The following ATG16L2 variants were observed in gnomAD, a reference collection of about 807,000 sequenced individuals.
The protein encoded by ATG16L2 is protein Atg16l2.
A neutral mutation model predicts 84.7 loss-of-function variants in ATG16L2; 77 were observed. The ratio of observed to expected loss-of-function variants is 0.91; its 90% CI spans 0.76 to 1.10. The LOEUF is 1.10. Ranked by LOEUF, ATG16L2 falls within the 50% of genes least tolerant of loss-of-function variation. ATG16L2 has a pLI of 0.00. For missense variants in ATG16L2, 782 were observed against 817.6 expected, an observed-to-expected ratio of 0.96 and a Z score of 0.53; for synonymous variants, 361 against 342.8, an observed-to-expected ratio of 1.05 and a Z score of -0.59.
intron 1 of ATG16L2, chr11:72,816,028 G>A (rs1165276016): frequency 6.6e-6 from 1 of 152,358 alleles, no homozygotes; most frequent in Non-Finnish European, 1.5e-5. Context: ...GCCCAGGCTG[G>A]AGTGCAGTGG....
intron 3 of ATG16L2, among the ~76,000 whole-genome samples, chr11:72,819,182 C>T (rs1470643615): frequency 2.6e-5 from 4 of 152,158 alleles, no homozygotes; most frequent in South Asian, 2.1e-4. Flanking sequence ...GCCCCCCAGT[C>T]GTTCTCACAC....
In ATG16L2 at chr11:72,825,386, C is replaced by G; in HGVS notation, c.1081C>G (p.His361Asp). Residue 361 changes from histidine to aspartate, a missense_variant, in exon 10 of 18, where the codon CAC becomes GAC. By Grantham distance (81) the His-to-Asp change is moderately conservative. Transcript: ENST00000321297. ...CACTGGAGGGGCTGACCGCCTGATCCACCTCTGGAATGTTGTGGGAAGTAA... is the reference window on the plus strand; with the variant it reads ...CACTGGAGGGGCTGACCGCCTGATCGACCTCTGGAATGTTGTGGGAAGTAA... ...LATGGADRLI[H>D]LWNVVGSRLE... The G allele has an allele frequency of 1.1e-5, 18 of 1,612,718 alleles. No individual in the cohort carries two copies. The highest frequency in any genetic ancestry group is 1.5e-5 in the Non-Finnish European group (18 of 1,179,976).
intron 3 of ATG16L2, chr11:72,820,230 C>CA (rs1337709040): frequency 2.6e-5 from 4 of 152,234 alleles, no homozygotes; most frequent in African/African-American, 9.6e-5. Context: ...ATAGTACCCA[C>CA]AACCAGGAAA....
At chr11:72,843,163 C>G in exon 6 of ATG16L2, 1 of 1,613,970 alleles carries the variant, frequency 6.2e-7, no homozygotes, top group Non-Finnish European at 8.5e-7. Context: ...CTGGCATCTC[C>G]GTTGAGGCTG....
chr11:72,822,795 G>T lies in ATG16L2; in HGVS notation c.711-53G>T. The T allele has an allele frequency of 7.3e-7, 1 of 1,361,738 alleles. No homozygotes were observed. Among genetic ancestry groups the T allele is most frequent in the South Asian group, 1.3e-5 (1 of 77,372 alleles). 84.4% of individuals were successfully genotyped at this position (1,361,738 alleles called of 1,614,324 possible). On this transcript the variant is annotated intron_variant, in intron 6 of 17. Coordinates refer to ENST00000321297, the MANE Select transcript of ATG16L2 (RefSeq NM_033388.2). This position sits in a 1 kb window ranked among gnomAD's most constrained non-coding sequence, Gnocchi z 4.2. Reference sequence around the variant, plus strand: ...CTTCAGCGTATCCTGTGCTGGGGTCGGGAGGGGCTGGCTTGGTCCCTTGGC... The same window carrying T: ...CTTCAGCGTATCCTGTGCTGGGGTCTGGAGGGGCTGGCTTGGTCCCTTGGC...
chr11:72,823,811 G>A, intron 7 of ATG16L2: 1 of 623,450 alleles, frequency 1.6e-6, no homozygotes. Context: ...GGTACTAGTA[G>A]GGTAAGGCAG....
intron 2 of ATG16L2, among the ~76,000 whole-genome samples, chr11:72,817,418 A>T (rs1376013316): frequency 6.6e-6 from 1 of 152,084 alleles, no homozygotes; most frequent in African/African-American, 2.4e-5. Flanking sequence ...ACGGGGTTTC[A>T]CCATGTTGGC....
intron 9 of ATG16L2, 71 bp from the exon 10 acceptor site, chr11:72,825,231 A>G (rs568895426): frequency 4.3e-4 from 515 of 1,202,202 alleles, no homozygotes; most frequent in Non-Finnish European, 6.0e-4. Flanking sequence ...GGCACCGGTA[A>G]GAGGGCCCGT....
At chr11:72,842,891 G>A in exon 6 of ATG16L2, 2 of 1,461,346 alleles carry the variant, frequency 1.4e-6, no homozygotes, top group Non-Finnish European at 1.9e-6. Context: ...ACAGCCGGTT[G>A]CTTTTGCAAC....
chr11:72,824,801 T>G lies in ATG16L2; in HGVS notation c.955T>G (p.Cys319Gly). ...GCAGCGATACCAGATCATCCCTGTG[T>G]GTGTGGCTGCCCGACTTCCTACCCG... ...PEQRYQIIPV[C>G]VAARLPTRAQ... The change falls in exon 9 of 18, where the codon TGT becomes GGT. Residue 319 changes from cysteine to glycine, a missense_variant. Coordinates refer to ENST00000321297, the MANE Select transcript of ATG16L2 (RefSeq NM_033388.2). The G allele has an allele frequency of 6.2e-7, 1 of 1,607,586 alleles. No homozygotes were observed. The highest frequency in any genetic ancestry group is 8.5e-7 in the Non-Finnish European group (1 of 1,176,994).
intron 13 of ATG16L2, 75 bp downstream of exon 13, chr11:72,826,898 C>G (rs1860397466): frequency 6.5e-7 from 1 of 1,542,814 alleles, no homozygotes; most frequent in Admixed American, 1.9e-5. Context: ...GGGACCTCAC[C>G]TGCTCTCTGG....
At chr11:72,823,174 A>C in intron 7 of ATG16L2, 2 of 492,688 alleles carry the variant, frequency 4.1e-6, no homozygotes, top group East Asian at 3.6e-5. Flanking sequence ...CCTACCCTCA[A>C]CCCTTTCCCT....
In ATG16L2 at chr11:72,816,362, T is replaced by TCGCCG; in HGVS notation, c.119-366_119-365insCGCCG. 4.5e-5 allele frequency: 8 copies of TCGCCG among 178,408 alleles called. No homozygotes were observed. The East Asian group carries it at 1.0e-3, about 22-fold the overall frequency. 11.1% of individuals were successfully genotyped at this position (178,408 alleles called of 1,614,324 possible). A position where few individuals can be genotyped will look rare whatever the true frequency, so the allele number is the denominator to read the frequency against. ...AGGCCATTGACAGGTAGAGCTCGGT[T>TCGCCG]TATTTCATCACTTTCTGGGGCTAAG... is the stretch of plus-strand genomic sequence containing the variant. On this transcript the variant is annotated intron_variant, in intron 1 of 17. Coordinates refer to ENST00000321297, the MANE Select transcript of ATG16L2 (RefSeq NM_033388.2).
chr11:72,828,436 T>C lies in ATG16L2; in HGVS notation c.1550T>C (p.Leu517Pro). ...SLSLSHDQLH[L>P]LSCSRDNTLK... is the part of the protein sequence containing the mutation. Reference sequence around the variant, plus strand: ...AGCCTCAGCCACGACCAACTGCACCTGCTCAGCTGTTCCCGAGACAACACA... The same window carrying C: ...AGCCTCAGCCACGACCAACTGCACCCGCTCAGCTGTTCCCGAGACAACACA... Residue 517 changes from leucine to proline, a missense_variant, in exon 15 of 18, where the codon CTG (leucine) becomes CCG (proline). Coordinates refer to ENST00000321297, the MANE Select transcript of ATG16L2 (RefSeq NM_033388.2). 2 of 1,614,026 alleles carry C rather than the reference T, an allele frequency of 1.2e-6. No individual in the cohort carries two copies. Among genetic ancestry groups the C allele is most frequent in the Non-Finnish European group, 1.7e-6 (2 of 1,179,992 alleles).
chr11:72,828,019 C>T (rs1216430650), intron 14 of ATG16L2, among the ~76,000 whole-genome samples: 1 of 152,260 alleles, frequency 6.6e-6, no homozygotes, highest in East Asian at 1.9e-4. Flanking sequence ...CCTTTACTCA[C>T]TGATCTCCAG....
exon 6 of ATG16L2, chr11:72,843,431 A>G (rs748974353): frequency 1.2e-5 from 20 of 1,607,792 alleles, no homozygotes; most frequent in Non-Finnish European, 1.7e-5. Flanking sequence ...AAAGGGCGAT[A>G]TGAGCAAAGG....
chr11:72,824,536 C>G (rs1210566207), intron 8 of ATG16L2, 198 bp from the exon 9 acceptor site: 1 of 603,488 alleles, frequency 1.7e-6, no homozygotes. Flanking sequence ...GTGTCTGCCT[C>G]TGTGTGCTCC....
Position 72,827,304 on chromosome 11 carries a change from C to A in ATG16L2, c.1472+11C>A, listed in dbSNP as rs761524675. The A allele has an allele frequency of 3.7e-6, 6 of 1,607,360 alleles. No homozygotes were observed. The African/African-American group carries it at 8.0e-5, about 22-fold the overall frequency. On this transcript the variant is annotated intron_variant, in intron 14 of 17. Coordinates refer to ENST00000321297, the MANE Select transcript of ATG16L2 (RefSeq NM_033388.2). ...GTTCTGGGACAGCAGGTGACAGGCGCAGGCTGGGGGAGGACTTGGGGAGGG... is the reference window on the plus strand; with the variant it reads ...GTTCTGGGACAGCAGGTGACAGGCGAAGGCTGGGGGAGGACTTGGGGAGGG...
chr11:72,822,608 A>T lies in ATG16L2; in HGVS notation c.710+65A>T, dbSNP rs533399984. Reference sequence around the variant, plus strand: ...CCTCCCGCCCCGCCTGCCTGCGGCGACCCAGGCTGCCGACTGTACTTGTGC... The same window carrying T: ...CCTCCCGCCCCGCCTGCCTGCGGCGTCCCAGGCTGCCGACTGTACTTGTGC... On this transcript the variant is annotated intron_variant, in intron 6 of 17. Coordinates refer to ENST00000321297, the MANE Select transcript of ATG16L2 (RefSeq NM_033388.2). This position sits in a 1 kb window ranked among gnomAD's most constrained non-coding sequence, Gnocchi z 4.2. 17 of 1,577,826 alleles carry T rather than the reference A, an allele frequency of 1.1e-5. No homozygotes were observed. In the East Asian group the frequency reaches 3.9e-4, roughly 37 times the overall value.
Sources: allele counts gnomAD v4.1 joint callset (sites outside exome capture counted in the v4.1 genomes callset), GRCh38; gene constraint gnomAD v4.1.1; non-coding constraint Gnocchi (gnomAD v3.1); transcripts MANE v1.5; gene names NCBI Gene and HGNC (gene_info 2026-07-23, HGNC 2026-07-21).